The following RBFOX1 variants were observed in gnomAD, a reference collection of about 807,000 sequenced individuals.
RBFOX1 encodes the protein RNA binding fox-1 homolog 1, also known as RNA binding protein fox-1 homolog 1.
Under a neutral mutation model 57.7 loss-of-function variants are expected in RBFOX1, and 8 were observed. The observed-to-expected ratio is 0.14, with a 90% CI of 0.08 to 0.25. The LOEUF (loss-of-function observed/expected upper bound fraction) is 0.25. Among genes scored for constraint, RBFOX1 ranks in the 10% least tolerant of loss-of-function variants. The pLI is 1.00. For missense variants in RBFOX1, 611 were observed against 548.5 expected (o/e 1.11, Z -1.14); for synonymous variants, 326 against 222.4 (o/e 1.47, Z -4.15).
intron 4 of RBFOX1, among the ~76,000 whole-genome samples, chr16:7,357,234 GAA>G (rs60020210): frequency 5.9e-4 from 83 of 141,280 alleles, no homozygotes; most frequent in African/African-American, 1.7e-3. Context: ...AGGAGAAATG[GAA>G]AAAAAAAAAA....
At chr16:7,265,774 A>G (rs1422563430) in intron 4 of RBFOX1, among the ~76,000 whole-genome samples, 1 of 151,934 alleles carries the variant, frequency 6.6e-6, no homozygotes, top group Non-Finnish European at 1.5e-5. Context: ...TAAGGACACT[A>G]ATCCCATCAG....
chr16:6,450,531 C>T (rs1289130638), intron 2 of RBFOX1, among the ~76,000 whole-genome samples: 2 of 151,232 alleles, frequency 1.3e-5, no homozygotes, highest in African/African-American at 4.9e-5. Flanking sequence ...GGCCTCTACC[C>T]AGCCAACATG....
chr16:7,302,400 T>C (rs1603602585), intron 4 of RBFOX1, among the ~76,000 whole-genome samples: 1 of 152,142 alleles, frequency 6.6e-6, no homozygotes, highest in Non-Finnish European at 1.5e-5. Flanking sequence ...TTCAGAGCCT[T>C]CATTTGGCTG....
intron 2 of RBFOX1, among the ~76,000 whole-genome samples, chr16:6,508,244 A>C (rs923343377): frequency 2.6e-5 from 4 of 152,140 alleles, no homozygotes; most frequent in African/African-American, 9.7e-5. Flanking sequence ...GGAGAGGATC[A>C]GGAAAAATAA....
intron 4 of RBFOX1, among the ~76,000 whole-genome samples, chr16:5,925,423 G>A (rs1353363221): frequency 6.6e-6 from 1 of 152,158 alleles, no homozygotes; most frequent in African/African-American, 2.4e-5. Flanking sequence ...CTTACTCCAT[G>A]ATTGCATTTA....
chr16:7,375,971 T>G (rs1568491686), intron 4 of RBFOX1, among the ~76,000 whole-genome samples: 1 of 152,354 alleles, frequency 6.6e-6, no homozygotes, highest in East Asian at 1.9e-4. Context: ...GAGCCATTGG[T>G]AGGCCAAACC....
chr16:7,610,018 C>G (rs1315630229), intron 10 of RBFOX1, among the ~76,000 whole-genome samples: 3 of 151,204 alleles, frequency 2.0e-5, no homozygotes, highest in Admixed American at 2.0e-4. Flanking sequence ...GGGTTTCACC[C>G]TGTTAGCCAG....
At chr16:7,128,558 G>A (rs929799357) in intron 4 of RBFOX1, among the ~76,000 whole-genome samples, 1 of 152,184 alleles carries the variant, frequency 6.6e-6, no homozygotes, top group Non-Finnish European at 1.5e-5. Context: ...GCAGTGAGCT[G>A]GCACAATTGT....
At chr16:6,049,932 C>T (rs751650650) in intron 1 of RBFOX1, among the ~76,000 whole-genome samples, 1 of 149,250 alleles carries the variant, frequency 6.7e-6, no homozygotes, top group African/African-American at 2.5e-5. Context: ...GGCCATTTTA[C>T]TCTGTTAAAA....
In RBFOX1 at chr16:7,201,507, G is replaced by C. The variant is rs184304157; in HGVS notation, c.27+149409G>C. On this transcript the variant is annotated intron_variant, in intron 4 of 15. Transcript: ENST00000550418. ...AGACAGTTTTGCTCTTGTCGCCCAG[G>C]CTGGAGTGCAATGGCACAATCTGGG... Among the ~76,000 whole-genome samples the C allele has an allele frequency of 5.3e-4, 81 of 151,562 alleles. 1 individual carries two copies. The Middle Eastern group carries it at 0.02, about 38-fold the overall frequency.
At chr16:5,561,026 T>C (rs1049404187) in intron 2 of RBFOX1, among the ~76,000 whole-genome samples, 8 of 152,162 alleles carry the variant, frequency 5.3e-5, no homozygotes, top group Admixed American at 1.3e-4. Context: ...GAAAAGGAAT[T>C]TCCTAAAGAT....
At chr16:5,987,260 T>G (rs2060302360) in intron 4 of RBFOX1, among the ~76,000 whole-genome samples, 1 of 152,212 alleles carries the variant, frequency 6.6e-6, no homozygotes, top group African/African-American at 2.4e-5. Context: ...TGAAAGTTAT[T>G]TTTATATTCT....
At chr16:5,358,925 A>T (rs182670717) in intron 1 of RBFOX1, among the ~76,000 whole-genome samples, 16 of 152,240 alleles carry the variant, frequency 1.1e-4, no homozygotes, top group African/African-American at 3.9e-4. Context: ...ATGTGTTTTG[A>T]TACCCATTAT....
At chr16:7,311,482 T>TC (rs1555696072) in intron 4 of RBFOX1, among the ~76,000 whole-genome samples, 3 of 149,416 alleles carry the variant, frequency 2.0e-5, no homozygotes, top group Non-Finnish European at 3.0e-5. Flanking sequence ...CCTTTTCTTT[T>TC]TTTTTTTTTT....
intron 3 of RBFOX1, among the ~76,000 whole-genome samples, chr16:6,830,236 G>A (rs74887111): frequency 1.3e-5 from 2 of 152,276 alleles, no homozygotes; most frequent in East Asian, 3.9e-4. Flanking sequence ...TTCTTAATGT[G>A]TGTGAAGACA....
intron 4 of RBFOX1, among the ~76,000 whole-genome samples, chr16:7,240,623 C>G (rs2094007361): frequency 6.6e-6 from 1 of 152,132 alleles, no homozygotes. Context: ...GGTATGATCA[C>G]AGCTCACTGC....
chr16:5,993,535 C>A (rs567726136), intron 4 of RBFOX1, among the ~76,000 whole-genome samples: 33 of 152,100 alleles, frequency 2.2e-4, no homozygotes, highest in African/African-American at 7.5e-4. Flanking sequence ...ACCTTCTTAC[C>A]CAGCAAGCAT....
At chr16:7,407,605 A>G (rs546583087) in intron 4 of RBFOX1, among the ~76,000 whole-genome samples, 69 of 152,282 alleles carry the variant, frequency 4.5e-4, no homozygotes, top group Non-Finnish European at 8.4e-4. Context: ...GCAGTGTTCA[A>G]TAGAAATACA....
chr16:6,109,498 A>G (rs1225653197), intron 1 of RBFOX1, among the ~76,000 whole-genome samples: 1 of 152,176 alleles, frequency 6.6e-6, no homozygotes, highest in Non-Finnish European at 1.5e-5. Flanking sequence ...TAGTTAGTCG[A>G]TGATATATTT....
Sources: allele counts gnomAD v4.1 joint callset (sites outside exome capture counted in the v4.1 genomes callset), GRCh38; gene constraint gnomAD v4.1.1; transcripts MANE v1.5; gene names NCBI Gene and HGNC (gene_info 2026-07-23, HGNC 2026-07-21).